Variants in MARCHF1 observed in about 807,000 individuals in gnomAD.
The protein encoded by MARCHF1 is membrane associated ring-CH-type finger 1.
Under a neutral mutation model 54.2 loss-of-function variants are expected in MARCHF1, and 40 were observed. The observed-to-expected ratio is 0.74, with a 90% confidence interval of 0.57 to 0.96. The LOEUF is 0.96. Among genes scored for constraint, MARCHF1 ranks in the 40% least tolerant of loss-of-function variants. MARCHF1 has a pLI of 0.00. For missense variants in MARCHF1, 586 were observed against 656.5 expected (o/e 0.89, Z 1.17); for synonymous variants, 236 against 236.3 (o/e 1.00, Z 0.01).
intron 2 of MARCHF1, among the ~76,000 whole-genome samples, chr4:164,053,352 T>C (rs573215128): frequency 2.0e-5 from 3 of 152,110 alleles, no homozygotes; most frequent in South Asian, 4.2e-4. Context: ...ACCCCAAACA[T>C]AGGAATTGAG....
intron 1 of MARCHF1, among the ~76,000 whole-genome samples, chr4:164,240,970 T>C (rs952241529): frequency 3.3e-5 from 5 of 151,880 alleles, no homozygotes; most frequent in Admixed American, 2.0e-4. Flanking sequence ...TGCTCAGGAG[T>C]CATGTAGCCA....
At chr4:164,042,616 C>T (rs982405418) in intron 2 of MARCHF1, among the ~76,000 whole-genome samples, 3 of 152,068 alleles carry the variant, frequency 2.0e-5, no homozygotes, top group Admixed American at 1.3e-4. Context: ...TACCCCTGAG[C>T]CTTCCAAAAT....
intron 5 of MARCHF1, among the ~76,000 whole-genome samples, chr4:163,630,472 T>G (rs1478877580): frequency 6.6e-6 from 1 of 152,010 alleles, no homozygotes; most frequent in Non-Finnish European, 1.5e-5. Flanking sequence ...TTTTGGGGAG[T>G]TGATAGAAAT....
At chr4:163,586,613 C>T (rs1740422000) in intron 7 of MARCHF1, among the ~76,000 whole-genome samples, 1 of 152,188 alleles carries the variant, frequency 6.6e-6, no homozygotes, top group South Asian at 2.1e-4. Flanking sequence ...TCATTTAATT[C>T]ATACATGGAA....
chr4:163,921,244 G>C (rs1178921279), intron 3 of MARCHF1, among the ~76,000 whole-genome samples: 1 of 151,758 alleles, frequency 6.6e-6, no homozygotes, highest in Non-Finnish European at 1.5e-5. Flanking sequence ...TTCCCTTGTA[G>C]ATGTTTGGAA....
chr4:163,598,319 T>C (rs996224438), intron 7 of MARCHF1, among the ~76,000 whole-genome samples: 3 of 152,228 alleles, frequency 2.0e-5, no homozygotes, highest in African/African-American at 7.2e-5. Context: ...CCTTGTCCTT[T>C]CAGGATCTTT....
intron 3 of MARCHF1, among the ~76,000 whole-genome samples, chr4:163,965,927 C>T (rs577680796): frequency 6.6e-6 from 1 of 152,142 alleles, no homozygotes; most frequent in South Asian, 2.1e-4. Flanking sequence ...TTCATTTGTG[C>T]CTCTCACAAT....
At chr4:164,215,898 T>C (rs1016448910) in intron 1 of MARCHF1, among the ~76,000 whole-genome samples, 2 of 152,194 alleles carry the variant, frequency 1.3e-5, no homozygotes, top group Non-Finnish European at 2.9e-5. Flanking sequence ...ATTCGGAACT[T>C]TTTATTTTAT....
intron 1 of MARCHF1, among the ~76,000 whole-genome samples, chr4:164,310,228 C>T (rs1163216050): frequency 1.3e-5 from 2 of 152,024 alleles, no homozygotes; most frequent in African/African-American, 4.8e-5. Flanking sequence ...CAGGTGCGCA[C>T]CACCACGCCC....
At chr4:164,116,320 T>C (rs1755938603) in intron 1 of MARCHF1, among the ~76,000 whole-genome samples, 1 of 152,158 alleles carries the variant, frequency 6.6e-6, no homozygotes. Flanking sequence ...TAAATAAAAT[T>C]AACATTTTAG....
chr4:163,904,705 G>GA (rs1751017935), intron 3 of MARCHF1, among the ~76,000 whole-genome samples: 1 of 151,878 alleles, frequency 6.6e-6, no homozygotes, highest in South Asian at 2.1e-4. Context: ...CACTCTCTAG[G>GA]TTTTTTACTT....
At chr4:164,213,513 G>T (rs1246085862) in intron 1 of MARCHF1, among the ~76,000 whole-genome samples, 1 of 151,846 alleles carries the variant, frequency 6.6e-6, no homozygotes, top group African/African-American at 2.4e-5. Flanking sequence ...GGGATTACAG[G>T]CGTGAGCCAT....
intron 4 of MARCHF1, among the ~76,000 whole-genome samples, chr4:163,796,298 C>T (rs1747914505): frequency 7.0e-6 from 1 of 142,216 alleles, no homozygotes; most frequent in Non-Finnish European, 1.5e-5. Context: ...ACGATCACAG[C>T]TAACTGCAAC....
intron 1 of MARCHF1, among the ~76,000 whole-genome samples, chr4:164,160,366 A>T (rs1306358973): frequency 1.3e-5 from 2 of 152,154 alleles, no homozygotes; most frequent in African/African-American, 4.8e-5. Flanking sequence ...GGCAACTGGA[A>T]CACAATGGTC....
At chr4:163,779,088 C>T (rs1013937272) in intron 4 of MARCHF1, among the ~76,000 whole-genome samples, 3 of 152,152 alleles carry the variant, frequency 2.0e-5, no homozygotes, top group African/African-American at 7.2e-5. Flanking sequence ...TGGTTGCCTG[C>T]CATTATCTAA....
intron 1 of MARCHF1, among the ~76,000 whole-genome samples, chr4:164,304,418 C>T (rs1734644864): frequency 6.6e-6 from 1 of 152,074 alleles, no homozygotes; most frequent in South Asian, 2.1e-4. Context: ...CATGTACAGC[C>T]CCTGGTGTAT....
At chr4:163,590,082 G>GTGTGTGTGTGTGTGTGTGTGTGTGT (rs1740539273) in intron 7 of MARCHF1, among the ~76,000 whole-genome samples, 1 of 151,390 alleles carries the variant, frequency 6.6e-6, no homozygotes, top group African/African-American at 2.4e-5. Context: ...GTGTGTGTGT[G>GTGTGTGTGTGTGTGTGTGTGTGTGT]CTTCACATCT....
intron 1 of MARCHF1, among the ~76,000 whole-genome samples, chr4:164,141,376 T>C (rs1756529927): frequency 6.6e-6 from 1 of 152,250 alleles, no homozygotes; most frequent in Non-Finnish European, 1.5e-5. Context: ...AGTTTCTTTT[T>C]AGCTGTCTTT....
chr4:163,585,708 G>T, intron 8 of MARCHF1, 41 bp downstream of exon 8: 2 of 1,437,668 alleles, frequency 1.4e-6, no homozygotes, highest in Non-Finnish European at 1.9e-6. Context: ...AGTCTGCTTT[G>T]CAAATGGTCC....
Sources: gnomAD v4.1 joint callset for allele counts (sites outside exome capture counted in the v4.1 genomes callset) on GRCh38, gnomAD v4.1.1 for gene constraint, MANE v1.5 for transcripts, NCBI Gene and HGNC (gene_info 2026-07-23, HGNC 2026-07-21) for gene names.